The following ATXN1 variants were observed in gnomAD, a reference collection of about 807,000 sequenced individuals.
The protein encoded by ATXN1 is ataxin 1.
In ATXN1, 8 loss-of-function variants were observed where a neutral mutation model predicts 56.4. The ratio of observed to expected loss-of-function variants is 0.14; its 90% CI spans 0.08 to 0.26. The LOEUF (loss-of-function observed/expected upper bound fraction) is 0.26, where lower values mean the gene tolerates loss of function less well. Ranked by LOEUF, ATXN1 falls within the 10% of genes least tolerant of loss-of-function variation. ATXN1 has a pLI of 1.00. For synonymous variants in ATXN1, 514 were observed against 494.6 expected, an observed-to-expected ratio of 1.04 and a Z score of -0.52; for missense variants, 987 against 1,106.5, an observed-to-expected ratio of 0.89 and a Z score of 1.53.
intron 6 of ATXN1, among the ~76,000 whole-genome samples, chr6:16,373,081 C>T (rs928440380): frequency 1.3e-5 from 2 of 152,102 alleles, no homozygotes; most frequent in Non-Finnish European, 2.9e-5. Flanking sequence ...CACATAGGGC[C>T]ATGTAGGTGT....
chr6:16,307,347 G>A (rs1760273959), intron 7 of ATXN1, among the ~76,000 whole-genome samples: 1 of 152,174 alleles, frequency 6.6e-6, no homozygotes, highest in South Asian at 2.1e-4. Flanking sequence ...GGCACAGTGT[G>A]TTTATCACTG....
intron 5 of ATXN1, among the ~76,000 whole-genome samples, chr6:16,517,650 G>A (rs1761210396): frequency 1.3e-5 from 2 of 152,064 alleles, no homozygotes; most frequent in Admixed American, 6.6e-5. Flanking sequence ...AATAAGTGAA[G>A]TATTACAGAG....
At chr6:16,445,869 C>T (rs1225553203) in intron 6 of ATXN1, among the ~76,000 whole-genome samples, 1 of 151,358 alleles carries the variant, frequency 6.6e-6, no homozygotes, top group East Asian at 1.9e-4. Flanking sequence ...TTTTTTATGG[C>T]TGCATAGTAT....
chr6:16,562,399 A>G (rs1468532196), intron 4 of ATXN1, among the ~76,000 whole-genome samples: 3 of 148,654 alleles, frequency 2.0e-5, no homozygotes, highest in Non-Finnish European at 3.0e-5. Flanking sequence ...AAGAAGAAGA[A>G]AGAAGAAAGA....
At chr6:16,448,117 C>G (rs1226253728) in intron 6 of ATXN1, among the ~76,000 whole-genome samples, 2 of 152,156 alleles carry the variant, frequency 1.3e-5, no homozygotes, top group Non-Finnish European at 2.9e-5. Context: ...ACTTAGAAGG[C>G]CCTACATGAT....
intron 6 of ATXN1, among the ~76,000 whole-genome samples, chr6:16,473,002 T>C (rs555675329): frequency 6.6e-6 from 1 of 152,226 alleles, no homozygotes; most frequent in Non-Finnish European, 1.5e-5. Flanking sequence ...TGTCTTCCTC[T>C]GTTCCCACAA....
chr6:16,632,824 G>A (rs929473432), intron 3 of ATXN1, among the ~76,000 whole-genome samples: 7 of 151,858 alleles, frequency 4.6e-5, no homozygotes, highest in East Asian at 3.9e-4. Flanking sequence ...TCGAGACCTC[G>A]TCGCTACTAA....
intron 4 of ATXN1, among the ~76,000 whole-genome samples, chr6:16,566,185 C>T (rs562036355): frequency 6.6e-6 from 1 of 152,292 alleles, no homozygotes; most frequent in South Asian, 2.1e-4. Context: ...TCCAACTTGT[C>T]ATAAAACATA....
chr6:16,412,353 T>C (rs748612994), intron 6 of ATXN1, among the ~76,000 whole-genome samples: 31 of 152,192 alleles, frequency 2.0e-4, no homozygotes, highest in Non-Finnish European at 3.4e-4. Context: ...TCCCTTATCA[T>C]CTAAAGGGTT....
At chr6:16,318,686 A>G (rs1760571259) in intron 7 of ATXN1, among the ~76,000 whole-genome samples, 1 of 152,250 alleles carries the variant, frequency 6.6e-6, no homozygotes, top group Non-Finnish European at 1.5e-5. Context: ...AGGGTTGTTC[A>G]GTAAACCCAC....
At chr6:16,560,021 A>G (rs865931238) in intron 4 of ATXN1, among the ~76,000 whole-genome samples, 7 of 152,292 alleles carry the variant, frequency 4.6e-5, no homozygotes, top group Middle Eastern at 3.4e-3. Flanking sequence ...GACCAAGTGG[A>G]TAATTCAATC....
In ATXN1 at chr6:16,594,355, C is replaced by T. The variant is rs1762777047; in HGVS notation, c.-488-8448G>A. Among the ~76,000 whole-genome samples, 3 of 151,898 alleles carry T rather than the reference C, an allele frequency of 2.0e-5. No individual in the cohort carries two copies. In the South Asian group the frequency reaches 6.2e-4, roughly 32 times the overall value. ...TGCTTTCCCAAATGACTATATCAAC[C>T]TACACTCCCACCAGCAGTGCACCCC... On this transcript the variant is annotated intron_variant, in intron 3 of 7. Coordinates refer to ENST00000436367, the MANE Select transcript of ATXN1 (RefSeq NM_001128164.2).
chr6:16,746,681 T>C (rs1314257028), intron 2 of ATXN1, among the ~76,000 whole-genome samples: 1 of 152,132 alleles, frequency 6.6e-6, no homozygotes, highest in African/African-American at 2.4e-5. Flanking sequence ...GAAACTAATA[T>C]AGATGGGGTG....
At chr6:16,679,588 T>G (rs1487312938) in intron 2 of ATXN1, among the ~76,000 whole-genome samples, 3 of 152,194 alleles carry the variant, frequency 2.0e-5, no homozygotes, top group Non-Finnish European at 4.4e-5. Flanking sequence ...CACAAGACAC[T>G]CCACACAGGA....
chr6:16,400,247 T>C (rs1046056215), intron 6 of ATXN1, among the ~76,000 whole-genome samples: 6 of 152,228 alleles, frequency 3.9e-5, no homozygotes, highest in African/African-American at 1.4e-4. Context: ...CTCTTCTTGC[T>C]TCAGCCTTTC....
chr6:16,562,697 A>T (rs2282833), intron 4 of ATXN1, among the ~76,000 whole-genome samples: 60,426 of 151,556 alleles, frequency 0.4, 14,539 homozygotes, highest in African/African-American at 0.65. Context: ...ACAGAGAAGA[A>T]CTGGTGACTA....
intron 6 of ATXN1, among the ~76,000 whole-genome samples, chr6:16,413,137 G>A (rs914356386): frequency 7.9e-5 from 12 of 152,186 alleles, no homozygotes; most frequent in Admixed American, 1.3e-4. Flanking sequence ...CAGTCATTAT[G>A]CTGCATATTT....
intron 6 of ATXN1, among the ~76,000 whole-genome samples, chr6:16,383,684 G>A (rs1479005543): frequency 1.3e-5 from 2 of 152,088 alleles, no homozygotes; most frequent in African/African-American, 4.8e-5. Flanking sequence ...GACAAAAACG[G>A]GTAAGACAGC....
intron 4 of ATXN1, among the ~76,000 whole-genome samples, chr6:16,580,542 A>C (rs1324577503): frequency 6.6e-6 from 1 of 152,230 alleles, no homozygotes; most frequent in Admixed American, 6.5e-5. Context: ...AAGCTTTGAT[A>C]TCAACCATTT....
Sources: gnomAD v4.1 joint callset for allele counts (sites outside exome capture counted in the v4.1 genomes callset) on GRCh38, gnomAD v4.1.1 for gene constraint, MANE v1.5 for transcripts, NCBI Gene and HGNC (gene_info 2026-07-23, HGNC 2026-07-21) for gene names.